The following TTC39C variants were observed in gnomAD, a reference collection of about 807,000 sequenced individuals.
TTC39C encodes the protein tetratricopeptide repeat domain 39C, also known as tetratricopeptide repeat protein 39C.
A neutral mutation model predicts 76.3 loss-of-function variants in TTC39C; 33 were observed. That is an observed-to-expected ratio of 0.43 (90% CI 0.33 to 0.58). The LOEUF (loss-of-function observed/expected upper bound fraction) is 0.58. Ranked by LOEUF, TTC39C falls within the 20% of genes least tolerant of loss-of-function variation. The pLI, the probability that TTC39C is intolerant of heterozygous loss-of-function variation, is 0.04. For missense variants in TTC39C, 595 were observed against 701.4 expected (o/e 0.85, Z 1.71); for synonymous variants, 254 against 260.6 (o/e 0.97, Z 0.24).
chr18:24,047,277 A>T (rs2083896762), intron 1 of TTC39C, among the ~76,000 whole-genome samples: 1 of 151,416 alleles, frequency 6.6e-6, no homozygotes, highest in South Asian at 2.1e-4. Context: ...TATTTTTGGT[A>T]GAAACGGGTT....
At chr18:24,011,600 C>T (rs1370572739), upstream of TTC39C, among the ~76,000 whole-genome samples, 1 of 152,178 alleles carries the variant, frequency 6.6e-6, no homozygotes, top group African/African-American at 2.4e-5. Context: ...TTTGCTGAGC[C>T]AGTTTGGGTC....
chr18:24,033,301 C>T (rs764033657), intron 1 of TTC39C, among the ~76,000 whole-genome samples: 18 of 152,164 alleles, frequency 1.2e-4, no homozygotes, highest in Non-Finnish European at 1.9e-4. Context: ...CCAATTATGC[C>T]ATTTGGTAGC....
intron 1 of TTC39C, chr18:24,022,770 G>A: frequency 1.0e-6 from 1 of 985,392 alleles, no homozygotes; most frequent in Non-Finnish European, 1.2e-6. Flanking sequence ...CTGTGATGTG[G>A]CCCTGTCTGC....
At chr18:24,085,691 G>C (rs2084430074) in intron 6 of TTC39C, among the ~76,000 whole-genome samples, 1 of 152,206 alleles carries the variant, frequency 6.6e-6, no homozygotes, top group African/African-American at 2.4e-5. Flanking sequence ...TGATCAGAGT[G>C]CAGAGGGTAG....
intron 1 of TTC39C, among the ~76,000 whole-genome samples, chr18:24,020,535 A>G (rs1192725742): frequency 1.3e-5 from 2 of 152,206 alleles, no homozygotes; most frequent in Non-Finnish European, 2.9e-5. Flanking sequence ...CCCCCAGCGG[A>G]TACCAAAATC....
At chr18:24,096,053 A>G (rs1221728884) in intron 6 of TTC39C, among the ~76,000 whole-genome samples, 2 of 152,236 alleles carry the variant, frequency 1.3e-5, no homozygotes, top group Non-Finnish European at 2.9e-5. Context: ...GTGCTCCAAA[A>G]CAATTAAAAT....
chr18:24,024,192 T>C (rs1389663376), intron 1 of TTC39C, among the ~76,000 whole-genome samples: 2 of 148,960 alleles, frequency 1.3e-5, no homozygotes, highest in Non-Finnish European at 3.0e-5. Context: ...TTTGTACTTT[T>C]AGTAGAGACC....
chr18:24,073,996 G>GCTCAA (rs1215688452), intron 4 of TTC39C, among the ~76,000 whole-genome samples: 1 of 152,226 alleles, frequency 6.6e-6, no homozygotes, highest in African/African-American at 2.4e-5. Context: ...CATATGTTGA[G>GCTCAA]CATTTCCTAT....
chr18:23,999,702 G>A (rs188732752), intron 1 of TTC39C, among the ~76,000 whole-genome samples: 147 of 152,310 alleles, frequency 9.7e-4, no homozygotes, highest in African/African-American at 3.2e-3. Context: ...CTCACCCTGT[G>A]GGGAAGCAGC....
At chr18:24,129,868 A>C (rs1256422214) in intron 11 of TTC39C, among the ~76,000 whole-genome samples, 1 of 152,142 alleles carries the variant, frequency 6.6e-6, no homozygotes, top group Non-Finnish European at 1.5e-5. Context: ...TTAATCTTTC[A>C]GTATGGGCTT....
chr18:24,037,538 C>T lies in TTC39C; in HGVS notation c.167+22500C>T, dbSNP rs184864690. ...TCCTTGTGATAGGACATTTGTCTGG[C>T]GTATTGGAGAGTAGCGTTGCAGAGT... On this transcript the variant is annotated intron_variant, in intron 1 of 13. Coordinates refer to ENST00000317571, the MANE Select transcript of TTC39C (RefSeq NM_001135993.2). 1.6e-3 allele frequency among the ~76,000 whole-genome samples: 244 copies of T among 152,260 alleles called. 1 individual carries two copies. Among genetic ancestry groups the T allele is most frequent in the Non-Finnish European group, 2.5e-3 (171 of 68,024 alleles).
chr18:24,101,955 G>C (rs990175377), intron 6 of TTC39C, among the ~76,000 whole-genome samples: 2 of 152,148 alleles, frequency 1.3e-5, no homozygotes, highest in Non-Finnish European at 2.9e-5. Context: ...TTGGTGTAGT[G>C]GAGAGAGCAC....
intron 1 of TTC39C, among the ~76,000 whole-genome samples, chr18:24,034,758 C>G (rs8087739): frequency 0.64 from 96,820 of 152,140 alleles, 32,613 homozygotes; most frequent in Non-Finnish European, 0.77. Context: ...TGGCTTATTT[C>G]ACTTAGCATA....
chr18:24,097,676 G>A (rs779870299), intron 6 of TTC39C, among the ~76,000 whole-genome samples: 3 of 152,144 alleles, frequency 2.0e-5, no homozygotes, highest in South Asian at 2.1e-4. Flanking sequence ...CTTCAACATC[G>A]TCTTGGCCCT....
chr18:24,085,155 T>C (rs185035628), intron 6 of TTC39C, among the ~76,000 whole-genome samples: 14 of 152,330 alleles, frequency 9.2e-5, no homozygotes, highest in African/African-American at 2.9e-4. Context: ...TTCTAATTGG[T>C]GCATTGACGA....
At chr18:23,998,668 A>G (rs182468115) in intron 1 of TTC39C, among the ~76,000 whole-genome samples, 1 of 152,282 alleles carries the variant, frequency 6.6e-6, no homozygotes, top group Non-Finnish European at 1.5e-5. Flanking sequence ...AAGAAACTAT[A>G]AGAATTTATA....
chr18:24,102,270 T>C (rs1189650966), intron 6 of TTC39C, among the ~76,000 whole-genome samples: 1 of 152,264 alleles, frequency 6.6e-6, no homozygotes, highest in East Asian at 1.9e-4. Context: ...CATTATTCAT[T>C]TCCTCTACCA....
intron 1 of TTC39C, among the ~76,000 whole-genome samples, chr18:24,024,012 A>ATTTTTTT: frequency 1.3e-3 from 8 of 6,262 alleles, no homozygotes; most frequent in Non-Finnish European, 1.4e-3. Flanking sequence ...ATATATATAT[A>ATTTTTTT]TATATTTTTT....
chr18:24,014,542 TGG>T (rs1171098672), upstream of TTC39C: 1 of 194,026 alleles, frequency 5.2e-6, no homozygotes, highest in Non-Finnish European at 1.0e-5. Flanking sequence ...GGGACCGGCT[TGG>T]CGGGGTGAGA....
Sources: gnomAD v4.1 joint callset for allele counts (sites outside exome capture counted in the v4.1 genomes callset) on GRCh38, gnomAD v4.1.1 for gene constraint, MANE v1.5 for transcripts, NCBI Gene and HGNC (gene_info 2026-07-23, HGNC 2026-07-21) for gene names.